The following CDKAL1 variants were observed in gnomAD, a reference collection of about 807,000 sequenced individuals.
CDKAL1 encodes threonylcarbamoyladenosine tRNA methylthiotransferase.
Under a neutral mutation model 68.2 loss-of-function variants are expected in CDKAL1, and 32 were observed. The observed-to-expected ratio is 0.47, with a 90% confidence interval of 0.35 to 0.63. CDKAL1 has a LOEUF of 0.63. CDKAL1 is among the 30% of genes least tolerant of loss of function. The probability of loss-of-function intolerance (pLI) is 0.00; values close to 1 mark genes in which losing one functional copy is unlikely to be tolerated. For synonymous variants in CDKAL1, 234 were observed against 244.3 expected, an observed-to-expected ratio of 0.96 and a Z score of 0.39; for missense variants, 606 against 696.7, an observed-to-expected ratio of 0.87 and a Z score of 1.47.
intron 11 of CDKAL1, among the ~76,000 whole-genome samples, chr6:21,008,017 A>G (rs1267879562): frequency 1.3e-5 from 2 of 152,242 alleles, no homozygotes; most frequent in East Asian, 3.8e-4. Flanking sequence ...ATGGGTGTCA[A>G]AAGTAGCTCC....
At chr6:20,873,332 A>G (rs1581738827) in intron 9 of CDKAL1, among the ~76,000 whole-genome samples, 1 of 152,174 alleles carries the variant, frequency 6.6e-6, no homozygotes, top group East Asian at 1.9e-4. Context: ...GGTCTCTAAG[A>G]CTAGGGCAGG....
At chr6:20,962,546 TA>T (rs1393361611) in intron 10 of CDKAL1, among the ~76,000 whole-genome samples, 2 of 152,186 alleles carry the variant, frequency 1.3e-5, no homozygotes, top group African/African-American at 4.8e-5. Flanking sequence ...TGCCGAGTTT[TA>T]AAAAATGCCT....
At chr6:20,904,548 G>A (rs139613624) in intron 9 of CDKAL1, among the ~76,000 whole-genome samples, 71 of 152,188 alleles carry the variant, frequency 4.7e-4, no homozygotes, top group Non-Finnish European at 9.1e-4. Flanking sequence ...CCAGCACTTT[G>A]GGAGGCTGAA....
Position 21,001,971 on chromosome 6 carries a change from T to G in CDKAL1, c.1055+1599T>G, listed in dbSNP as rs1767448314. On this transcript the variant is annotated intron_variant, in intron 11 of 15. Coordinates refer to ENST00000274695, the MANE Select transcript of CDKAL1 (RefSeq NM_017774.3). Reference sequence around the variant, plus strand: ...AGATAGTTTGTTGCATTAGTGTGATTAAACGAGGTTAAGGAATCAGCACCT... The same window carrying G: ...AGATAGTTTGTTGCATTAGTGTGATGAAACGAGGTTAAGGAATCAGCACCT... Among the ~76,000 whole-genome samples the G allele has an allele frequency of 2.6e-5, 4 of 152,228 alleles. No individual in the cohort carries two copies. The South Asian group carries it at 6.2e-4, about 24-fold the overall frequency.
chr6:20,857,905 G>A (rs749585337), intron 9 of CDKAL1, among the ~76,000 whole-genome samples: 12 of 152,176 alleles, frequency 7.9e-5, no homozygotes, highest in Non-Finnish European at 1.6e-4. Context: ...TGTCGCCCAG[G>A]CTGGAGTGCA....
chr6:20,727,411 G>A lies in CDKAL1; in HGVS notation c.372-12108G>A, dbSNP rs180674385. Among the ~76,000 whole-genome samples the A allele has an allele frequency of 2.4e-3, 364 of 152,226 alleles. 1 individual carries two copies. Among genetic ancestry groups the A allele is most frequent in the South Asian group, 0.019 (90 of 4,796 alleles). On this transcript the variant is annotated intron_variant, in intron 5 of 15. Transcript: ENST00000274695. ...GACTTAAGGACACAGTTAGAATTTG[G>A]GGCTTATATCCCATCTTAACAAAGG... is the stretch of plus-strand genomic sequence containing the variant.
chr6:20,859,662 A>G (rs959744288), intron 9 of CDKAL1, among the ~76,000 whole-genome samples: 24 of 152,252 alleles, frequency 1.6e-4, no homozygotes, highest in Admixed American at 9.8e-4. Context: ...GAGAGTTTAC[A>G]GAAAGAGAAG....
At chr6:21,066,215 A>C (rs1340389941) in intron 12 of CDKAL1, among the ~76,000 whole-genome samples, 4 of 152,154 alleles carry the variant, frequency 2.6e-5, no homozygotes, top group Non-Finnish European at 5.9e-5. Context: ...CAAAATCAAA[A>C]GTGAATATCA....
At chr6:21,168,201 G>A (rs1030511504) in intron 13 of CDKAL1, among the ~76,000 whole-genome samples, 1 of 152,172 alleles carries the variant, frequency 6.6e-6, no homozygotes, top group Non-Finnish European at 1.5e-5. Flanking sequence ...TCTTTCTGGG[G>A]GCAGTTGAGA....
intron 8 of CDKAL1, among the ~76,000 whole-genome samples, chr6:20,800,232 G>A (rs1026563185): frequency 6.6e-6 from 1 of 152,184 alleles, no homozygotes; most frequent in African/African-American, 2.4e-5. Context: ...CCCACAGTGT[G>A]AGATAGGGTT....
At chr6:20,586,332 T>TTC (rs1765353769) in intron 4 of CDKAL1, among the ~76,000 whole-genome samples, 1 of 152,112 alleles carries the variant, frequency 6.6e-6, no homozygotes, top group East Asian at 1.9e-4. Flanking sequence ...TAGTACAACT[T>TTC]TCTGCAAAAA....
At chr6:20,556,378 T>G (rs1029141671) in intron 4 of CDKAL1, among the ~76,000 whole-genome samples, 1 of 151,680 alleles carries the variant, frequency 6.6e-6, no homozygotes, top group Non-Finnish European at 1.5e-5. Context: ...AAAAAAAAAG[T>G]AAGCTGTTTC....
chr6:20,760,501 C>T (rs1047076498), intron 7 of CDKAL1, among the ~76,000 whole-genome samples: 12 of 152,082 alleles, frequency 7.9e-5, no homozygotes, highest in African/African-American at 2.4e-4. Flanking sequence ...GTGAAGTGGG[C>T]ATAAATATTT....
At chr6:20,974,604 C>A (rs944432779) in intron 10 of CDKAL1, among the ~76,000 whole-genome samples, 5 of 152,046 alleles carry the variant, frequency 3.3e-5, no homozygotes, top group Non-Finnish European at 7.4e-5. Flanking sequence ...CGTAAGGTTT[C>A]TATTTTTCTG....
intron 4 of CDKAL1, among the ~76,000 whole-genome samples, chr6:20,611,581 C>T (rs993433740): frequency 1.3e-5 from 2 of 152,072 alleles, no homozygotes; most frequent in African/African-American, 4.8e-5. Context: ...CTGTTATGCT[C>T]TTGGATAAAG....
At chr6:21,138,838 CAGGTCCCACCCCGGAGA>C (rs945352629) in intron 13 of CDKAL1, among the ~76,000 whole-genome samples, 3 of 152,168 alleles carry the variant, frequency 2.0e-5, no homozygotes, top group Admixed American at 2.0e-4. Context: ...AGGTCAAAGT[CAGGTCCCACCCCGGAGA>C]ACACTGTAAA....
intron 9 of CDKAL1, among the ~76,000 whole-genome samples, chr6:20,907,587 G>A (rs569993813): frequency 1.3e-5 from 2 of 152,324 alleles, no homozygotes; most frequent in East Asian, 1.9e-4. Flanking sequence ...TAGGAGGTAC[G>A]TGTAGCAGTT....
At chr6:20,973,524 C>G (rs1412506686) in intron 10 of CDKAL1, among the ~76,000 whole-genome samples, 2 of 152,122 alleles carry the variant, frequency 1.3e-5, no homozygotes, top group African/African-American at 4.8e-5. Context: ...TAGAGGCATG[C>G]CAGTGTTCAC....
At position 21,201,162 on chromosome 6, in the gene CDKAL1, T is replaced by A; in HGVS notation, c.1436T>A (p.Ile479Asn). The change falls in exon 15 of 16, where the codon ATC becomes AAC. Residue 479 changes from isoleucine (I) to asparagine (N), a missense_variant. Coordinates refer to ENST00000274695, the MANE Select transcript of CDKAL1 (RefSeq NM_017774.3). ...ATGGGGAAGATGGTTGAAGTGGACATCTATGAATCAGGCAAACATTTTATG... is the reference window on the plus strand; with the variant it reads ...ATGGGGAAGATGGTTGAAGTGGACAACTATGAATCAGGCAAACATTTTATG... Reference protein sequence around the residue: ...AFMGKMVEVDIYESGKHFMKG... With the variant: ...AFMGKMVEVDNYESGKHFMKG... The A allele has an allele frequency of 6.2e-7, 1 of 1,614,006 alleles. No homozygotes were observed. Among genetic ancestry groups the A allele is most frequent in the Non-Finnish European group, 8.5e-7 (1 of 1,179,890 alleles).
Sources: gnomAD v4.1 joint callset for allele counts (sites outside exome capture counted in the v4.1 genomes callset) on GRCh38, gnomAD v4.1.1 for gene constraint, MANE v1.5 for transcripts, NCBI Gene and HGNC (gene_info 2026-07-23, HGNC 2026-07-21) for gene names.